The following SPAG16 variants were observed in gnomAD, a reference collection of about 807,000 sequenced individuals.
The protein encoded by SPAG16 is sperm associated antigen 16.
In SPAG16, 86 loss-of-function variants were observed where a neutral mutation model predicts 80.4. The ratio of observed to expected loss-of-function variants is 1.07; its 90% CI spans 0.90 to 1.28. SPAG16 has a LOEUF of 1.28. Ranked by LOEUF, SPAG16 falls within the 50% of genes most tolerant of loss-of-function variation. SPAG16 has a pLI of 0.00. For synonymous variants in SPAG16, 294 were observed against 265.9 expected (o/e 1.11, Z -1.03); for missense variants, 870 against 765.3 (o/e 1.14, Z -1.61).
At chr2:213,792,108 A>G (rs906923101) in intron 10 of SPAG16, among the ~76,000 whole-genome samples, 1 of 152,242 alleles carries the variant, frequency 6.6e-6, no homozygotes, top group African/African-American at 2.4e-5. Context: ...AAGTGTTACC[A>G]ATTAAAAACA....
intron 14 of SPAG16, among the ~76,000 whole-genome samples, chr2:214,134,045 C>T (rs991386507): frequency 2.0e-5 from 3 of 152,152 alleles, no homozygotes; most frequent in Admixed American, 6.6e-5. Context: ...ATTCAAGAGT[C>T]ATAAACATCT....
At chr2:213,656,027 T>C (rs1344553016) in intron 10 of SPAG16, among the ~76,000 whole-genome samples, 2 of 152,248 alleles carry the variant, frequency 1.3e-5, no homozygotes, top group Non-Finnish European at 2.9e-5. Flanking sequence ...TGTAATTCTT[T>C]ATGTCTAATA....
intron 10 of SPAG16, among the ~76,000 whole-genome samples, chr2:213,785,266 T>A (rs894309337): frequency 2.4e-4 from 36 of 152,296 alleles, no homozygotes; most frequent in Admixed American, 7.8e-4. Flanking sequence ...TCAAAAATAT[T>A]CTATAAGCTG....
At chr2:214,315,832 C>T (rs960280459) in intron 15 of SPAG16, among the ~76,000 whole-genome samples, 2 of 152,118 alleles carry the variant, frequency 1.3e-5, no homozygotes, top group African/African-American at 4.8e-5. Context: ...GCACCTGGCC[C>T]TTCTTTTTCT....
chr2:213,915,427 G>T (rs2077909575), intron 11 of SPAG16, among the ~76,000 whole-genome samples: 1 of 152,040 alleles, frequency 6.6e-6, no homozygotes, highest in South Asian at 2.1e-4. Flanking sequence ...ATGGTTTCCA[G>T]CTTCATCCTT....
chr2:214,112,258 G>T (rs535794133), intron 14 of SPAG16, among the ~76,000 whole-genome samples: 1 of 152,130 alleles, frequency 6.6e-6, no homozygotes, highest in Non-Finnish European at 1.5e-5. Flanking sequence ...GAATAAGTGC[G>T]ATGTGGTGCT....
intron 10 of SPAG16, among the ~76,000 whole-genome samples, chr2:213,529,727 G>A (rs547053688): frequency 2.0e-5 from 3 of 152,296 alleles, no homozygotes; most frequent in East Asian, 1.9e-4. Flanking sequence ...CATAGAAAAT[G>A]TACATTAAAA....
At chr2:213,460,416 T>C (rs1373592226) in intron 9 of SPAG16, among the ~76,000 whole-genome samples, 1 of 152,180 alleles carries the variant, frequency 6.6e-6, no homozygotes, top group African/African-American at 2.4e-5. Context: ...TCTACCCCTT[T>C]CTAGTTGTTT....
intron 11 of SPAG16, among the ~76,000 whole-genome samples, chr2:213,899,635 G>T (rs926657323): frequency 2.6e-5 from 4 of 151,996 alleles, no homozygotes; most frequent in South Asian, 2.1e-4. Flanking sequence ...TCTATAATAT[G>T]ACCATTGATG....
chr2:213,712,815 C>G (rs1384269703), intron 10 of SPAG16, among the ~76,000 whole-genome samples: 1 of 152,032 alleles, frequency 6.6e-6, no homozygotes, highest in African/African-American at 2.4e-5. Context: ...TTTTGTTTGT[C>G]TTTTAAAAGG....
At chr2:213,803,903 G>A (rs1256023541) in intron 10 of SPAG16, among the ~76,000 whole-genome samples, 3 of 152,080 alleles carry the variant, frequency 2.0e-5, no homozygotes, top group African/African-American at 7.2e-5. Flanking sequence ...CATGGCACAG[G>A]CCTTGAGTCT....
intron 14 of SPAG16, among the ~76,000 whole-genome samples, chr2:214,131,958 A>G (rs2054805116): frequency 6.6e-6 from 1 of 152,114 alleles, no homozygotes; most frequent in African/African-American, 2.4e-5. Context: ...AGATGTGCTA[A>G]TGTAGGTTCA....
chr2:213,317,447 C>A, intron 5 of SPAG16, 91 bp downstream of exon 5: 2 of 1,378,016 alleles, frequency 1.5e-6, no homozygotes, highest in Non-Finnish European at 1.9e-6. Flanking sequence ...ATACCAGAGC[C>A]TTAATTTTTG....
intron 11 of SPAG16, among the ~76,000 whole-genome samples, chr2:213,872,893 G>A (rs1006371248): frequency 3.3e-5 from 5 of 151,994 alleles, no homozygotes; most frequent in Non-Finnish European, 5.9e-5. Context: ...ATTGATTTTT[G>A]TATGTTGAAC....
rs112920591 is a variant in SPAG16, at chr2:214,326,741, C to T, written c.1721-83399C>T. Among the ~76,000 whole-genome samples, 92 of 152,016 alleles carry T rather than the reference C, an allele frequency of 6.1e-4. 1 individual carries two copies. In the Middle Eastern group the frequency reaches 0.01, roughly 17 times the overall value. On this transcript the variant is annotated intron_variant, in intron 15 of 15. Coordinates refer to ENST00000331683, the MANE Select transcript of SPAG16 (RefSeq NM_024532.5). ...CAGGCGGATCACGAGATCAGGAGAT[C>T]GAGGCCATCCTGGCTAACACGGTGA...
chr2:214,015,220 T>G (rs1362637406), intron 13 of SPAG16, among the ~76,000 whole-genome samples: 1 of 152,108 alleles, frequency 6.6e-6, no homozygotes, highest in Non-Finnish European at 1.5e-5. Flanking sequence ...CCAGACCCAC[T>G]TCATGGTCAG....
At position 213,851,603 on chromosome 2, in the gene SPAG16, A is replaced by G. The variant is rs557276575; in HGVS notation, c.1071-10882A>G. ...GTACCATTGAGTATCTATTAGGTCT[A>G]AGTCACTACATAAGGCCTTTCCCTG... On this transcript the variant is annotated intron_variant, in intron 10 of 15. Coordinates refer to ENST00000331683, the MANE Select transcript of SPAG16 (RefSeq NM_024532.5). Among the ~76,000 whole-genome samples the G allele has an allele frequency of 1.2e-4, 18 of 152,334 alleles. No individual in the cohort carries two copies. In the East Asian group the frequency reaches 1.7e-3, roughly 15 times the overall value.
chr2:213,284,564 G>C lies in SPAG16; in HGVS notation c.81G>C (p.Gly27=), dbSNP rs1167293720. Residue 27 remains glycine, a synonymous_variant, in exon 1 of 16, where the codon GGG becomes GGC. Transcript: ENST00000331683. ...TGGGCATGGGTTTGACGGCAGCCGG[G>C]GACGCGAGGGACACGGCGGACGCGG... ...EALGMGLTAA[G]DARDTADAVA... is the part of the protein sequence containing the mutation. 6.2e-7 allele frequency: 1 copy of C among 1,608,582 alleles called. No individual in the cohort carries two copies. The highest frequency in any genetic ancestry group is 8.5e-7 in the Non-Finnish European group (1 of 1,177,906).
At chr2:214,007,706 T>C (rs2047091364) in intron 12 of SPAG16, among the ~76,000 whole-genome samples, 1 of 152,222 alleles carries the variant, frequency 6.6e-6, no homozygotes, top group Non-Finnish European at 1.5e-5. Context: ...TTGCTATTTG[T>C]ATAATTGCTC....
Sources: allele counts gnomAD v4.1 joint callset (sites outside exome capture counted in the v4.1 genomes callset), GRCh38; gene constraint gnomAD v4.1.1; transcripts MANE v1.5; gene names NCBI Gene and HGNC (gene_info 2026-07-23, HGNC 2026-07-21).